KIRREL3: variants seen among roughly 807,000 people sequenced by gnomAD.
KIRREL3 encodes kirre like nephrin family adhesion molecule 3.
In KIRREL3, 36 loss-of-function variants were observed where a neutral mutation model predicts 89.7. The ratio of observed to expected loss-of-function variants is 0.40; its 90% CI spans 0.31 to 0.53. The LOEUF is 0.53. KIRREL3 is among the 20% of genes least tolerant of loss of function. KIRREL3 has a pLI of 0.49. For synonymous variants in KIRREL3, 445 were observed against 441.4 expected, an observed-to-expected ratio of 1.01 and a Z score of -0.10; for missense variants, 864 against 1,056.6, an observed-to-expected ratio of 0.82 and a Z score of 2.53.
At position 126,802,734 on chromosome 11, in the gene KIRREL3, A is replaced by C. The variant is rs1030061446; in HGVS notation, c.55+197721T>G. Among the ~76,000 whole-genome samples, 1 of 152,212 alleles carries C rather than the reference A, an allele frequency of 6.6e-6. No individual in the cohort carries two copies. The highest frequency in any genetic ancestry group is 1.5e-5 in the Non-Finnish European group (1 of 68,048). Reference sequence around the variant, plus strand: ...AAGTAATTATCCTACTCTTTAAATCAATCTTTCTTAAATGTATGTATAGAT... The same window carrying C: ...AAGTAATTATCCTACTCTTTAAATCCATCTTTCTTAAATGTATGTATAGAT... On this transcript the variant is annotated intron_variant, in intron 1 of 16. Transcript: ENST00000525144. The surrounding 1 kb of genome is among the most constrained non-coding windows in gnomAD (Gnocchi z 5.2).
At position 126,870,519 on chromosome 11, in the gene KIRREL3, G is replaced by T. The variant is rs566441436; in HGVS notation, c.55+129936C>A. 6.6e-6 allele frequency among the ~76,000 whole-genome samples: 1 copy of T among 152,192 alleles called. No homozygotes were observed. The highest frequency in any genetic ancestry group is 2.4e-5 in the African/African-American group (1 of 41,462). Reference sequence around the variant, plus strand: ...GGCAGGTCCTTGCAAGAGGTAAAAGGCTCAGTAGAATGCAGCTTCCTGGCC... The same window carrying T: ...GGCAGGTCCTTGCAAGAGGTAAAAGTCTCAGTAGAATGCAGCTTCCTGGCC... On this transcript the variant is annotated intron_variant, in intron 1 of 16. Transcript: ENST00000525144. The surrounding 1 kb of genome is among the most constrained non-coding windows in gnomAD (Gnocchi z 4.4).
At chr11:126,480,068 C>T (rs559430705) in intron 4 of KIRREL3, among the ~76,000 whole-genome samples, 3 of 152,278 alleles carry the variant, frequency 2.0e-5, no homozygotes, top group East Asian at 1.9e-4. Flanking sequence ...GATCTCCATC[C>T]GGATCCCCAT....
rs1275288304 is a variant in KIRREL3, at chr11:126,490,670, A to G, written c.434-17204T>C. Among the ~76,000 whole-genome samples, 1 of 152,150 alleles carries G rather than the reference A, an allele frequency of 6.6e-6. No homozygotes were observed. Among genetic ancestry groups the G allele is most frequent in the African/African-American group, 2.4e-5 (1 of 41,410 alleles). On this transcript the variant is annotated intron_variant, in intron 4 of 16. Coordinates refer to ENST00000525144, the MANE Select transcript of KIRREL3 (RefSeq NM_032531.4). This position sits in a 1 kb window ranked among gnomAD's most constrained non-coding sequence, Gnocchi z 4.2. ...GGATAATAATTCTGTGAAGGTTAGG[A>G]GAAGTTCCATGGGATGGCATTTGTG...
At chr11:126,862,661 A>T (rs190349084) in intron 1 of KIRREL3, among the ~76,000 whole-genome samples, 1 of 152,182 alleles carries the variant, frequency 6.6e-6, no homozygotes, top group Admixed American at 6.5e-5. Flanking sequence ...GAGGCAGGGC[A>T]CCTGGCTTCC....
rs1286068589 is a variant in KIRREL3, at chr11:126,443,614, TG to T, written c.1252+1364del. Among the ~76,000 whole-genome samples, 2 of 147,298 alleles carry T rather than the reference TG, an allele frequency of 1.4e-5. No homozygotes were observed. Among genetic ancestry groups the T allele is most frequent in the African/African-American group, 5.0e-5 (2 of 39,630 alleles). On this transcript the variant is annotated intron_variant, in intron 10 of 16. Coordinates refer to ENST00000525144, the MANE Select transcript of KIRREL3 (RefSeq NM_032531.4). This position sits in a 1 kb window ranked among gnomAD's most constrained non-coding sequence, Gnocchi z 7.3. ...AGAGGAATGGAAATGCGGGGCAGTG[TG>T]GGGGGAGCTGGTGAATGGAGACAGT... is the stretch of plus-strand genomic sequence containing the variant.
chr11:126,915,269 G>A (rs1206585938), intron 1 of KIRREL3, among the ~76,000 whole-genome samples: 2 of 152,024 alleles, frequency 1.3e-5, no homozygotes, highest in African/African-American at 4.8e-5. Flanking sequence ...GGTTTTTGAA[G>A]TCCAATAACT....
chr11:126,533,570 G>A (rs1287865226), intron 2 of KIRREL3, among the ~76,000 whole-genome samples: 1 of 152,212 alleles, frequency 6.6e-6, no homozygotes, highest in Non-Finnish European at 1.5e-5. Context: ...GAGAAGGTGA[G>A]CGCAGACCTG....
rs1244365663 is a variant in KIRREL3, at chr11:126,908,705, A to T, written c.55+91750T>A. Among the ~76,000 whole-genome samples, 1 of 152,174 alleles carries T rather than the reference A, an allele frequency of 6.6e-6. No individual in the cohort carries two copies. Among genetic ancestry groups the T allele is most frequent in the Non-Finnish European group, 1.5e-5 (1 of 68,030 alleles). ...GCTTCCCATACACCAGAAACTGGGGATTCCACAGTAGATTAAATATAATAG... is the reference window on the plus strand; with the variant it reads ...GCTTCCCATACACCAGAAACTGGGGTTTCCACAGTAGATTAAATATAATAG... On this transcript the variant is annotated intron_variant, in intron 1 of 16. Transcript: ENST00000525144. The surrounding 1 kb of genome is among the most constrained non-coding windows in gnomAD (Gnocchi z 4.2).
chr11:126,570,375 A>G lies in KIRREL3; in HGVS notation c.56-7463T>C, dbSNP rs191169410. On this transcript the variant is annotated intron_variant, in intron 1 of 16. Coordinates refer to ENST00000525144, the MANE Select transcript of KIRREL3 (RefSeq NM_032531.4). The surrounding 1 kb of genome is among the most constrained non-coding windows in gnomAD (Gnocchi z 6.1). Reference sequence around the variant, plus strand: ...GCTATTACATACCAATTAAATTCATATAAGAGGAATCTGAAACAGCTGTGG... The same window carrying G: ...GCTATTACATACCAATTAAATTCATGTAAGAGGAATCTGAAACAGCTGTGG... Among the ~76,000 whole-genome samples the G allele has an allele frequency of 1.3e-5, 2 of 152,372 alleles. No homozygotes were observed. The highest frequency in any genetic ancestry group is 4.8e-5 in the African/African-American group (2 of 41,596).
intron 16 of KIRREL3, 118 bp from the exon 17 acceptor site, chr11:126,425,141 G>A (rs1210286193): frequency 2.1e-6 from 2 of 954,444 alleles, no homozygotes; most frequent in East Asian, 5.3e-5. Context: ...ACAGGAGGAA[G>A]GGAGCAACCT....
At position 126,897,424 on chromosome 11, in the gene KIRREL3, A is replaced by G. The variant is rs1001104312; in HGVS notation, c.55+103031T>C. The stretch of plus-strand genomic sequence containing the variant: ...CTCTTATTTTGGGGAAAAAAAATGA[A>G]TGTGCAATTCAACTGTACCCCAGAA... On this transcript the variant is annotated intron_variant, in intron 1 of 16. Coordinates refer to ENST00000525144, the MANE Select transcript of KIRREL3 (RefSeq NM_032531.4). The surrounding 1 kb of genome is among the most constrained non-coding windows in gnomAD (Gnocchi z 4.2). Among the ~76,000 whole-genome samples the G allele has an allele frequency of 2.6e-5, 4 of 152,126 alleles. No individual in the cohort carries two copies. The highest frequency in any genetic ancestry group is 9.7e-5 in the African/African-American group (4 of 41,422).
At chr11:126,726,946 A>T (rs1948409385) in intron 1 of KIRREL3, among the ~76,000 whole-genome samples, 2 of 152,110 alleles carry the variant, frequency 1.3e-5, no homozygotes, top group Admixed American at 1.3e-4. Context: ...ACTCACTCAC[A>T]CAGGGAGGTC....
intron 1 of KIRREL3, among the ~76,000 whole-genome samples, chr11:126,616,778 A>C (rs1943369937): frequency 6.6e-6 from 1 of 152,194 alleles, no homozygotes; most frequent in Non-Finnish European, 1.5e-5. Flanking sequence ...AGTAGCTGAG[A>C]CTACAGGTGC....
At position 126,891,536 on chromosome 11, in the gene KIRREL3, A is replaced by G. The variant is rs1402457625; in HGVS notation, c.55+108919T>C. Reference sequence around the variant, plus strand: ...CCTGCCATGGATGGATTCCTTGGAAAGAGATGCACAGGGTGCTCCGACTGT... The same window carrying G: ...CCTGCCATGGATGGATTCCTTGGAAGGAGATGCACAGGGTGCTCCGACTGT... On this transcript the variant is annotated intron_variant, in intron 1 of 16. Transcript: ENST00000525144. This position sits in a 1 kb window ranked among gnomAD's most constrained non-coding sequence, Gnocchi z 5.1. Among the ~76,000 whole-genome samples, 1 of 152,344 alleles carries G rather than the reference A, an allele frequency of 6.6e-6. No individual in the cohort carries two copies. The highest frequency in any genetic ancestry group is 1.5e-5 in the Non-Finnish European group (1 of 68,038).
intron 1 of KIRREL3, among the ~76,000 whole-genome samples, chr11:126,988,291 C>T (rs1231230189): frequency 6.6e-6 from 1 of 152,176 alleles, no homozygotes; most frequent in Admixed American, 6.5e-5. Context: ...AGGCAGAGAG[C>T]AGTCGCTAGC....
chr11:126,956,995 G>A (rs1376291707), intron 1 of KIRREL3, among the ~76,000 whole-genome samples: 3 of 152,254 alleles, frequency 2.0e-5, no homozygotes, highest in Admixed American at 6.5e-5. Flanking sequence ...TCACATGCAC[G>A]CGATCTGATT....
In KIRREL3 at chr11:126,431,889, A is replaced by T. The variant is rs1440085118; in HGVS notation, c.1589-363T>A. On this transcript the variant is annotated intron_variant, in intron 13 of 16. Coordinates refer to ENST00000525144, the MANE Select transcript of KIRREL3 (RefSeq NM_032531.4). This position sits in a 1 kb window ranked among gnomAD's most constrained non-coding sequence, Gnocchi z 7.1. ...GGAGCTCTCTCTGGCATTAAACAGG[A>T]ATGCTCTATCACACAGCGGCCAGTG... 2.0e-5 allele frequency among the ~76,000 whole-genome samples: 3 copies of T among 152,144 alleles called. No individual in the cohort carries two copies. The highest frequency in any genetic ancestry group is 7.2e-5 in the African/African-American group (3 of 41,404).
Position 126,906,577 on chromosome 11 carries a change from T to TTTTTG in KIRREL3, c.55+93877_55+93878insCAAAA, listed in dbSNP as rs1555082592. On this transcript the variant is annotated intron_variant, in intron 1 of 16. Coordinates refer to ENST00000525144, the MANE Select transcript of KIRREL3 (RefSeq NM_032531.4). The surrounding 1 kb of genome is among the most constrained non-coding windows in gnomAD (Gnocchi z 4.1). ...CCCCCTGCCATGAAAAACAGCGTTG[T>TTTTTG]TTTTTGTTTTTGTTTTTGCTTCAGA... 6.6e-6 allele frequency among the ~76,000 whole-genome samples: 1 copy of TTTTTG among 151,586 alleles called. No homozygotes were observed. The highest frequency in any genetic ancestry group is 1.5e-5 in the Non-Finnish European group (1 of 67,962).
chr11:126,972,559 AG>A (rs1335653915), intron 1 of KIRREL3, among the ~76,000 whole-genome samples: 1 of 152,180 alleles, frequency 6.6e-6, no homozygotes, highest in Non-Finnish European at 1.5e-5. Flanking sequence ...AGATCAACAC[AG>A]TCACGTTACT....
Sources: gnomAD v4.1 joint callset for allele counts (sites outside exome capture counted in the v4.1 genomes callset) on GRCh38, gnomAD v4.1.1 for gene constraint, Gnocchi (gnomAD v3.1) non-coding constraint, MANE v1.5 for transcripts, NCBI Gene and HGNC (gene_info 2026-07-23, HGNC 2026-07-21) for gene names.